The following OLFM3 variants were observed in gnomAD, a reference collection of about 807,000 sequenced individuals.
The protein encoded by OLFM3 is noelin-3.
OLFM3 carries 20 observed loss-of-function variants against 48.6 expected under a neutral mutation model. The observed-to-expected ratio is 0.41, with a 90% CI of 0.29 to 0.60. The LOEUF is 0.60. OLFM3 is among the 20% of genes least tolerant of loss of function. The pLI is 0.28. For synonymous variants in OLFM3, 222 were observed against 198.1 expected (o/e 1.12, Z -1.01); for missense variants, 437 against 544.3 (o/e 0.80, Z 1.96).
intron 1 of OLFM3, among the ~76,000 whole-genome samples, chr1:101,878,915 G>T (rs1462789305): frequency 1.3e-5 from 2 of 151,814 alleles, no homozygotes; most frequent in East Asian, 1.9e-4. Context: ...AGTAATCACT[G>T]CCCCTTAGAG....
intron 1 of OLFM3, among the ~76,000 whole-genome samples, chr1:101,913,535 C>A (rs1658825580): frequency 6.6e-6 from 1 of 152,054 alleles, no homozygotes; most frequent in Admixed American, 6.6e-5. Context: ...CTACTCAAAG[C>A]CTACTTCCAC....
At chr1:101,880,689 A>C (rs1163198360) in intron 1 of OLFM3, among the ~76,000 whole-genome samples, 1 of 151,800 alleles carries the variant, frequency 6.6e-6, no homozygotes, top group Non-Finnish European at 1.5e-5. Context: ...CAAGCTTCTG[A>C]TGATTCAAAC....
chr1:101,972,568 C>T (rs72731663), intron 1 of OLFM3, among the ~76,000 whole-genome samples: 1,563 of 152,214 alleles, frequency 0.01, 12 homozygotes, highest in South Asian at 0.032. Flanking sequence ...CGGATAAGAA[C>T]ATTGAGTCCA....
At chr1:101,842,749 C>A (rs934320284) in intron 1 of OLFM3, among the ~76,000 whole-genome samples, 1 of 152,196 alleles carries the variant, frequency 6.6e-6, no homozygotes, top group Non-Finnish European at 1.5e-5. Context: ...GCCCCCTCCA[C>A]TGAAGAAAAG....
intron 3 of OLFM3, among the ~76,000 whole-genome samples, chr1:101,826,326 T>A (rs987247182): frequency 6.6e-5 from 10 of 152,056 alleles, no homozygotes; most frequent in South Asian, 2.1e-4. Context: ...TAAATAAATA[T>A]TTCTTTATTT....
chr1:101,846,310 AG>A (rs1655989492), intron 1 of OLFM3, among the ~76,000 whole-genome samples: 1 of 152,156 alleles, frequency 6.6e-6, no homozygotes, highest in African/African-American at 2.4e-5. Flanking sequence ...GCTTTCTTAA[AG>A]GAATTTTGGG....
chr1:101,848,079 T>C (rs17125575), intron 1 of OLFM3, among the ~76,000 whole-genome samples: 2,499 of 152,264 alleles, frequency 0.016, 69 homozygotes, highest in African/African-American at 0.056. Flanking sequence ...TGGGTAACTT[T>C]ATTATATTGT....
intron 1 of OLFM3, chr1:101,882,710 G>A (rs1415023091): frequency 6.6e-6 from 1 of 151,760 alleles, no homozygotes; most frequent in Non-Finnish European, 1.5e-5. Flanking sequence ...CTCTTGGGCA[G>A]TACCAGATGA....
rs567052556 is a variant in OLFM3, at chr1:101,867,392, C to G, written c.70-30367G>C. Among the ~76,000 whole-genome samples, 6 of 152,222 alleles carry G rather than the reference C, an allele frequency of 3.9e-5. No homozygotes were observed. In the South Asian group the frequency reaches 6.2e-4, roughly 16 times the overall value. On this transcript the variant is annotated intron_variant, in intron 1 of 5. Coordinates refer to ENST00000370103, the MANE Select transcript of OLFM3 (RefSeq NM_058170.4). ...TCATGTTCTTAGTATCTTAATTGTT[C>G]TTAATGTTCTTAATATGGAGAACTC...
rs558544507 is a variant in OLFM3, at chr1:101,926,805, C to A, written c.69+69943G>T. Among the ~76,000 whole-genome samples the A allele has an allele frequency of 9.9e-4, 150 of 152,212 alleles. 1 individual carries two copies. The highest frequency in any genetic ancestry group is 3.4e-3 in the African/African-American group (141 of 41,548). ...CACAATAGGGTAGACAATTGTCTCT[C>A]AAATATGGCAGAACATTTAAAAGGT... On this transcript the variant is annotated intron_variant, in intron 1 of 5. Coordinates refer to ENST00000370103, the MANE Select transcript of OLFM3 (RefSeq NM_058170.4).
chr1:101,845,130 C>T (rs1655926874), intron 1 of OLFM3, among the ~76,000 whole-genome samples: 1 of 151,934 alleles, frequency 6.6e-6, no homozygotes, highest in Non-Finnish European at 1.5e-5. Context: ...TCTACATTTT[C>T]TGCTTTTGTT....
intron 1 of OLFM3, among the ~76,000 whole-genome samples, chr1:101,974,900 TTTG>T (rs970674414): frequency 1.3e-5 from 2 of 152,308 alleles, no homozygotes; most frequent in East Asian, 1.9e-4. Context: ...AAACATTTTT[TTTG>T]TTGTTGTTCT....
In OLFM3 at chr1:101,837,079, G is replaced by A. The variant is rs148422320; in HGVS notation, c.70-54C>T. The A allele has an allele frequency of 8.2e-4, 1,264 of 1,538,560 alleles. 18 individuals carry two copies. In the African/African-American group the frequency reaches 0.016, roughly 20 times the overall value. ...ACAGACTCCTGTTATAGGATAAAAAGAGTGTTGGTTTGTAGCATTTCAAGT... is the reference window on the plus strand; with the variant it reads ...ACAGACTCCTGTTATAGGATAAAAAAAGTGTTGGTTTGTAGCATTTCAAGT... On this transcript the variant is annotated intron_variant, in intron 1 of 5. Transcript: ENST00000370103.
At chr1:101,873,114 C>T (rs1460800958) in intron 1 of OLFM3, among the ~76,000 whole-genome samples, 2 of 151,740 alleles carry the variant, frequency 1.3e-5, no homozygotes, top group Non-Finnish European at 2.9e-5. Context: ...AATATAGCTA[C>T]CTTAATATGA....
chr1:101,970,950 C>T (rs571480936), intron 1 of OLFM3, among the ~76,000 whole-genome samples: 242 of 87,202 alleles, frequency 2.8e-3, no homozygotes, highest in African/African-American at 7.7e-3. Context: ...ATAAAATGCA[C>T]GTAGCTGAGT....
intron 1 of OLFM3, chr1:101,893,458 T>A: frequency 3.6e-6 from 1 of 276,048 alleles, no homozygotes. Flanking sequence ...ATTCTAGAAA[T>A]TCATATTGAC....
rs923419026 is a variant in OLFM3, at chr1:101,984,669, G to A, written c.69+12079C>T. Among the ~76,000 whole-genome samples the A allele has an allele frequency of 4.3e-4, 65 of 152,094 alleles. 1 individual carries two copies. Among genetic ancestry groups the A allele is most frequent in the Admixed American group, 3.8e-3 (58 of 15,278 alleles). ...CCCACCTAGGCCTCCCAAAGTGCTG[G>A]GATTACAGGCTTGAGCCACTGTGGC... On this transcript the variant is annotated intron_variant, in intron 1 of 5. Coordinates refer to ENST00000370103, the MANE Select transcript of OLFM3 (RefSeq NM_058170.4).
chr1:101,958,060 T>A (rs1000218776), intron 1 of OLFM3, among the ~76,000 whole-genome samples: 1 of 152,200 alleles, frequency 6.6e-6, no homozygotes, highest in Admixed American at 6.6e-5. Flanking sequence ...CATTGGCAAG[T>A]GAATGGCTTA....
At chr1:101,828,054 C>CTCTCTCTCTG (rs1338884553) in intron 3 of OLFM3, among the ~76,000 whole-genome samples, 15 of 113,744 alleles carry the variant, frequency 1.3e-4, no homozygotes, top group African/African-American at 2.0e-4. Flanking sequence ...CTGTCTGTCT[C>CTCTCTCTCTG]TCTCTCTCTC....
Sources: gnomAD v4.1 joint callset for allele counts (sites outside exome capture counted in the v4.1 genomes callset) on GRCh38, gnomAD v4.1.1 for gene constraint, MANE v1.5 for transcripts, NCBI Gene and HGNC (gene_info 2026-07-23, HGNC 2026-07-21) for gene names.